BCAS2: variants seen among roughly 807,000 people sequenced by gnomAD.
BCAS2 encodes the protein BCAS2 pre-mRNA processing factor.
A neutral mutation model predicts 35.3 loss-of-function variants in BCAS2; 34 were observed. The observed-to-expected ratio is 0.96, with a 90% CI of 0.73 to 1.28. BCAS2 has a LOEUF of 1.28. BCAS2 is among the 50% of genes most tolerant of loss of function. BCAS2 has a pLI of 0.00. For missense variants in BCAS2, 221 were observed against 268.1 expected, an observed-to-expected ratio of 0.82 and a Z score of 1.23; for synonymous variants, 75 against 91.6, an observed-to-expected ratio of 0.82 and a Z score of 1.03.
Position 114,568,006 on chromosome 1 carries a change from T to C in BCAS2, c.*124A>G, listed in dbSNP as rs1654560033. 7.7e-7 allele frequency: 1 copy of C among 1,303,652 alleles called. No homozygotes were observed. The highest frequency in any genetic ancestry group is 1.1e-6 in the Non-Finnish European group (1 of 938,644). The allele number at this position is 1,303,652 out of a possible 1,614,324, so 80.8% of individuals were successfully genotyped here. The stretch of plus-strand genomic sequence containing the variant: ...AATTACCACAGCAGCCTACACCTTC[T>C]ATGATTTCTAAACACTTAAACATCA... On this transcript the variant is annotated 3_prime_UTR_variant, in exon 7 of 7. Transcript: ENST00000369541.
rs1480987696 is a variant in BCAS2 at position 114,567,559 on chromosome 1, T to TACAAAAACCTCAAAATTA, written c.*570_*571insTAATTTTGAGGTTTTTGT. On this transcript the variant is annotated 3_prime_UTR_variant, in exon 7 of 7. Coordinates refer to ENST00000369541, the MANE Select transcript of BCAS2 (RefSeq NM_005872.3). ...AAAACAGTAACCGCCTCCTGAGGTT[T>TACAAAAACCTCAAAATTA]TTGTGAGGACCAAATAATTTTTATT... 1 of 152,234 alleles carries TACAAAAACCTCAAAATTA rather than the reference T, an allele frequency of 6.6e-6. No homozygotes were observed. Among genetic ancestry groups the TACAAAAACCTCAAAATTA allele is most frequent in the African/African-American group, 2.4e-5 (1 of 41,452 alleles). 9.4% of individuals were successfully genotyped at this position (152,234 alleles called of 1,614,324 possible). A position where few individuals can be genotyped will look rare whatever the true frequency, so the allele number is the denominator to read the frequency against.
At position 114,581,370 on chromosome 1, in the gene BCAS2, C is replaced by T; in HGVS notation, c.115G>A (p.Glu39Lys). 1 of 1,614,126 alleles carries T rather than the reference C, an allele frequency of 6.2e-7. No individual in the cohort carries two copies. The highest frequency in any genetic ancestry group is 8.5e-7 in the Non-Finnish European group (1 of 1,180,016). Reference sequence around the variant, plus strand: ...TTAGTAGGTCGGTATCTGCGAGTTTCCTCCTCCACCAGCGCTGCAGCCTAA... The same window carrying T: ...TTAGTAGGTCGGTATCTGCGAGTTTTCTCCTCCACCAGCGCTGCAGCCTAA... Reference protein sequence around the residue: ...REAAAALVEEETRRYRPTKNY... With the variant: ...REAAAALVEEKTRRYRPTKNY... Residue 39 changes from glutamate to lysine, a missense_variant, in exon 2 of 7, where the codon GAA (glutamate) becomes AAA (lysine). Transcript: ENST00000369541.
rs748717803 is a variant in BCAS2 at position 114,568,174 on chromosome 1, G to A, written c.634C>T (p.Gln212Ter). The change falls in exon 7 of 7, where the codon CAA (glutamine) becomes TAA (stop). Residue 212 changes from glutamine (Q) to a stop codon, truncating the protein, a stop_gained. Transcript: ENST00000369541. LOFTEE classifies it high-confidence loss of function. ...TTTTCTTTGTTTGCCTCTCCATGTT[G>A]CTGCTTAATTTGATAGATTTCATTT... ...LENEIYQIKQ[Q>*]HGEANKENIR... 3.7e-6 allele frequency: 6 copies of A among 1,613,466 alleles called. No homozygotes were observed. In the South Asian group the frequency reaches 6.6e-5, roughly 18 times the overall value.
At chr1:114,568,453 G>A (rs1256827916) in intron 6 of BCAS2, among the ~76,000 whole-genome samples, 197 bp from the exon 7 acceptor site, 2 of 148,720 alleles carry the variant, frequency 1.3e-5, no homozygotes, top group African/African-American at 2.5e-5. Flanking sequence ...TGCAACCTCC[G>A]CCTCCCGGGT....
exon 1 of BCAS2, chr1:114,581,611 CCTGCGTTTT>C: frequency 6.2e-7 from 1 of 1,612,144 alleles, no homozygotes. Context: ...CTCAGGTTTG[CCTGCGTTTT>C]CTGCGTCTGC....
intron 5 of BCAS2, 63 bp downstream of exon 5, chr1:114,570,637 C>G: frequency 3.5e-6 from 4 of 1,130,840 alleles, no homozygotes; most frequent in Non-Finnish European, 5.1e-6. Context: ...TCTTTTTCCT[C>G]CTATTTTCTA....
chr1:114,576,249 A>G (rs11102822), intron 3 of BCAS2, among the ~76,000 whole-genome samples: 2 of 128,242 alleles, frequency 1.6e-5, no homozygotes, highest in South Asian at 2.4e-4. Context: ...CTCTCTCTCT[A>G]TATATATATA....
intron 6 of BCAS2, among the ~76,000 whole-genome samples, chr1:114,569,458 C>A (rs1287103667): frequency 6.6e-6 from 1 of 151,390 alleles, no homozygotes; most frequent in Admixed American, 6.6e-5. Context: ...AAAAAATTAC[C>A]AAGTATGAAA....
intron 4 of BCAS2, among the ~76,000 whole-genome samples, chr1:114,575,125 G>T (rs538067836): frequency 6.6e-6 from 1 of 150,580 alleles, no homozygotes. Flanking sequence ...ACCCGCCTCG[G>T]CCTCCTGAAG....
intron 3 of BCAS2, 84 bp from the exon 4 acceptor site, chr1:114,575,835 TCCATATAGTATAAAA>T: frequency 7.0e-7 from 1 of 1,432,368 alleles, no homozygotes; most frequent in Non-Finnish European, 9.4e-7. Context: ...CCCATGAGTC[TCCATATAGTATAAAA>T]ACTACAGAAG....
At chr1:114,578,546 T>C (rs1369196718) in intron 2 of BCAS2, among the ~76,000 whole-genome samples, 1 of 152,236 alleles carries the variant, frequency 6.6e-6, no homozygotes, top group Non-Finnish European at 1.5e-5. Flanking sequence ...CCAGTGTTCA[T>C]GGAGCGGCAA....
rs542433931 is a variant in BCAS2, at chr1:114,579,943, T to C, written c.186+1356A>G. Among the ~76,000 whole-genome samples, 1,130 of 150,664 alleles carry C rather than the reference T, an allele frequency of 7.5e-3. 8 individuals are homozygous for C. Among genetic ancestry groups the C allele is most frequent in the South Asian group, 0.027 (130 of 4,802 alleles). ...TAAATAATATCTTTTTTTTTTTTTTTCCCTTTGAGACAGGGTCTCACTCTA... is the reference window on the plus strand; with the variant it reads ...TAAATAATATCTTTTTTTTTTTTTTCCCCTTTGAGACAGGGTCTCACTCTA... On this transcript the variant is annotated intron_variant, in intron 2 of 6. Coordinates refer to ENST00000369541, the MANE Select transcript of BCAS2 (RefSeq NM_005872.3).
At chr1:114,575,477 G>A (rs988444833) in intron 4 of BCAS2, 113 bp downstream of exon 4, 18 of 1,055,594 alleles carry the variant, frequency 1.7e-5, no homozygotes, top group Admixed American at 1.0e-4. Flanking sequence ...TTACTGGCAT[G>A]AGCCACTGCA....
chr1:114,571,897 C>T (rs1364889471), intron 4 of BCAS2, among the ~76,000 whole-genome samples: 2 of 152,108 alleles, frequency 1.3e-5, no homozygotes, highest in African/African-American at 2.4e-5. Flanking sequence ...AAAATAGATA[C>T]CAGTCCAGGT....
rs370283284 is a variant in BCAS2, at chr1:114,580,670, G to T, written c.186+629C>A. Among the ~76,000 whole-genome samples the T allele has an allele frequency of 1.3e-3, 195 of 152,076 alleles. 1 individual carries two copies. Among genetic ancestry groups the T allele is most frequent in the African/African-American group, 4.3e-3 (179 of 41,490 alleles). Reference sequence around the variant, plus strand: ...TAAATAAAGAAAAGAAAAATTAAAAGAAAACAAAATATATTAAAAAAGAAA... The same window carrying T: ...TAAATAAAGAAAAGAAAAATTAAAATAAAACAAAATATATTAAAAAAGAAA... On this transcript the variant is annotated intron_variant, in intron 2 of 6. Coordinates refer to ENST00000369541, the MANE Select transcript of BCAS2 (RefSeq NM_005872.3).
In BCAS2 at chr1:114,568,104, T is replaced by C. The variant is rs760951703; in HGVS notation, c.*26A>G. On this transcript the variant is annotated 3_prime_UTR_variant, in exon 7 of 7. Transcript: ENST00000369541. ...AGATGCCTTTTGTGAAAGCCCAACT[T>C]TTCTTCTACCTGCTAAATTGTCTTT... 4 of 1,611,332 alleles carry C rather than the reference T, an allele frequency of 2.5e-6. No homozygotes were observed. In the Admixed American group the frequency reaches 5.0e-5, roughly 20 times the overall value.
rs376538216 is a variant in BCAS2, at chr1:114,581,295, T to A, written c.186+4A>T. 6.2e-7 allele frequency: 1 copy of A among 1,613,874 alleles called. No homozygotes were observed. Among genetic ancestry groups the A allele is most frequent in the Non-Finnish European group, 8.5e-7 (1 of 1,179,828 alleles). On this transcript the variant is annotated splice_donor_region_variant and intron_variant, in intron 2 of 6. Transcript: ENST00000369541. ...GTTCACACCTAGGCTCAAGACATAC[T>A]TACTTCAAAGGCAGAATAATCCGGG...
In BCAS2 at chr1:114,569,507, C is replaced by CT. The variant is rs79526850; in HGVS notation, c.551+484dup. On this transcript the variant is annotated intron_variant, in intron 6 of 6. Coordinates refer to ENST00000369541, the MANE Select transcript of BCAS2 (RefSeq NM_005872.3). ...AAGATTTTATAAAATAATTTTTTTC[C>CT]TTTTTTTTTTTTTAAAGACTAGGTC... Among the ~76,000 whole-genome samples the CT allele has an allele frequency of 2.0e-3, 286 of 142,690 alleles. 3 individuals carry two copies. The highest frequency in any genetic ancestry group is 3.6e-3 in the Middle Eastern group (1 of 278). The allele number at this position is 142,690 out of a possible 152,430, so 93.6% of individuals were successfully genotyped here. A position where few individuals can be genotyped will look rare whatever the true frequency, so the allele number is the denominator to read the frequency against.
Position 114,576,689 on chromosome 1 carries a change from G to T in BCAS2, c.256C>A (p.Arg86=). 1 of 1,605,724 alleles carries T rather than the reference G, an allele frequency of 6.2e-7. No homozygotes were observed. The highest frequency in any genetic ancestry group is 8.5e-7 in the Non-Finnish European group (1 of 1,174,210). Residue 86 remains arginine, a splice_region_variant and synonymous_variant, in exon 3 of 7, where the codon CGA becomes AGA. Transcript: ENST00000369541. The part of the protein sequence containing the change: ...RQPIELLSMK[R]YELPAPSSGQ... Reference sequence around the variant, plus strand: ...TAATTTCCATTTTAATATTCTTACCGTTTCATACTGAGCAATTCAATTGGT... The same window carrying T: ...TAATTTCCATTTTAATATTCTTACCTTTTCATACTGAGCAATTCAATTGGT...
Sources: gnomAD v4.1 joint callset for allele counts (sites outside exome capture counted in the v4.1 genomes callset) on GRCh38, gnomAD v4.1.1 for gene constraint, MANE v1.5 for transcripts, NCBI Gene and HGNC (gene_info 2026-07-23, HGNC 2026-07-21) for gene names.